Variants in CNTNAP5 observed in about 807,000 individuals in gnomAD.
The protein encoded by CNTNAP5 is contactin-associated protein-like 5.
CNTNAP5 carries 72 observed loss-of-function variants against 150.2 expected under a neutral mutation model. That is an observed-to-expected ratio of 0.48 (90% CI 0.40 to 0.58). CNTNAP5 has a LOEUF of 0.58. CNTNAP5 is among the 20% of genes least tolerant of loss of function. The pLI is 0.00. For missense variants in CNTNAP5, 1,636 were observed against 1,626.2 expected (o/e 1.01, Z -0.10); for synonymous variants, 672 against 619.8 (o/e 1.08, Z -1.25).
intron 6 of CNTNAP5, among the ~76,000 whole-genome samples, chr2:124,452,975 AC>A (rs1693025201): frequency 6.6e-6 from 1 of 152,122 alleles, no homozygotes; most frequent in African/African-American, 2.4e-5. Flanking sequence ...GTTCTTTAAC[AC>A]CCCCCAAAAA....
chr2:124,885,611 C>T (rs537133726), intron 21 of CNTNAP5, among the ~76,000 whole-genome samples: 1 of 150,772 alleles, frequency 6.6e-6, no homozygotes, highest in African/African-American at 2.4e-5. Flanking sequence ...ATTAAACAGT[C>T]ACATCTCATC....
At chr2:124,591,407 A>G (rs2104960395) in intron 11 of CNTNAP5, among the ~76,000 whole-genome samples, 1 of 152,238 alleles carries the variant, frequency 6.6e-6, no homozygotes, top group East Asian at 1.9e-4. Context: ...TTGCCATACA[A>G]TTTTTAAGTT....
chr2:124,580,819 A>G (rs1462333379), intron 11 of CNTNAP5, among the ~76,000 whole-genome samples: 1 of 152,232 alleles, frequency 6.6e-6, no homozygotes, highest in Non-Finnish European at 1.5e-5. Flanking sequence ...GCATGACAGT[A>G]CTTGATTCTT....
chr2:124,264,002 T>A (rs1237149635), intron 3 of CNTNAP5, among the ~76,000 whole-genome samples: 1 of 152,172 alleles, frequency 6.6e-6, no homozygotes, highest in East Asian at 1.9e-4. Context: ...GTTCCATTGG[T>A]CTATATCTCT....
At chr2:124,793,607 A>G (rs999846721) in intron 18 of CNTNAP5, among the ~76,000 whole-genome samples, 3 of 152,100 alleles carry the variant, frequency 2.0e-5, no homozygotes, top group Admixed American at 2.0e-4. Flanking sequence ...GCCTTACTTA[A>G]TCCAAGATCA....
chr2:124,830,099 ATTAT>A (rs1268810517), intron 19 of CNTNAP5, among the ~76,000 whole-genome samples: 1 of 151,858 alleles, frequency 6.6e-6, no homozygotes, highest in Admixed American at 6.6e-5. Flanking sequence ...GAGGATCTAG[ATTAT>A]TTATCATTTG....
chr2:124,103,875 T>G (rs1683115670), intron 1 of CNTNAP5, among the ~76,000 whole-genome samples: 1 of 147,828 alleles, frequency 6.8e-6, no homozygotes, highest in South Asian at 2.1e-4. Context: ...ATTTATATAA[T>G]ATAAATATAA....
chr2:124,634,827 G>T (rs1303580925), intron 12 of CNTNAP5, among the ~76,000 whole-genome samples: 1 of 152,106 alleles, frequency 6.6e-6, no homozygotes, highest in East Asian at 1.9e-4. Flanking sequence ...ATCTCCATCT[G>T]AAATCTCATC....
intron 4 of CNTNAP5, among the ~76,000 whole-genome samples, chr2:124,430,729 A>G (rs1692357232): frequency 6.6e-6 from 1 of 152,196 alleles, no homozygotes; most frequent in Admixed American, 6.5e-5. Context: ...CTATTAATAG[A>G]AAACGGAAAG....
At chr2:124,539,192 G>T (rs1302090603) in intron 10 of CNTNAP5, among the ~76,000 whole-genome samples, 2 of 152,178 alleles carry the variant, frequency 1.3e-5, no homozygotes, top group African/African-American at 2.4e-5. Flanking sequence ...TGTCTGCAGT[G>T]AAATGTAAAT....
At chr2:124,262,204 C>T (rs1245359285) in intron 3 of CNTNAP5, among the ~76,000 whole-genome samples, 1 of 151,966 alleles carries the variant, frequency 6.6e-6, no homozygotes, top group Non-Finnish European at 1.5e-5. Context: ...AAAATCACAC[C>T]ACTGTACTTC....
At chr2:124,288,924 A>G (rs1688219193) in intron 3 of CNTNAP5, among the ~76,000 whole-genome samples, 1 of 152,216 alleles carries the variant, frequency 6.6e-6, no homozygotes, top group African/African-American at 2.4e-5. Flanking sequence ...CTATGAATGT[A>G]GTAGAAGTGA....
At chr2:124,563,978 C>G (rs547580300) in intron 11 of CNTNAP5, among the ~76,000 whole-genome samples, 1 of 152,114 alleles carries the variant, frequency 6.6e-6, no homozygotes, top group East Asian at 1.9e-4. Flanking sequence ...GCAATCTTGC[C>G]GTGGAATGGG....
At chr2:124,558,895 A>G (rs1355921414) in intron 10 of CNTNAP5, among the ~76,000 whole-genome samples, 1 of 152,226 alleles carries the variant, frequency 6.6e-6, no homozygotes, top group African/African-American at 2.4e-5. Context: ...TCCAGTTTAC[A>G]TACTCAGAAA....
At position 124,242,401 on chromosome 2, in the gene CNTNAP5, A is replaced by G. The variant is rs1686910545; in HGVS notation, c.381+8A>G. On this transcript the variant is annotated splice_region_variant and intron_variant, in intron 3 of 23. Coordinates refer to ENST00000682447, the MANE Select transcript of CNTNAP5 (RefSeq NM_001367498.1). ...CAAGAAGACAGCATCTGGGTAGGAC[A>G]TCTTTTTCCTTCCAATGAATAAAAC... 1 of 1,610,084 alleles carries G rather than the reference A, an allele frequency of 6.2e-7. No homozygotes were observed.
chr2:124,200,738 C>G (rs751627070), intron 1 of CNTNAP5, among the ~76,000 whole-genome samples: 1 of 152,212 alleles, frequency 6.6e-6, no homozygotes, highest in Non-Finnish European at 1.5e-5. Flanking sequence ...TGTCCTGCCA[C>G]GTATTTCTTA....
intron 2 of CNTNAP5, among the ~76,000 whole-genome samples, chr2:124,238,300 C>A (rs1456792287): frequency 6.6e-6 from 1 of 151,994 alleles, no homozygotes; most frequent in African/African-American, 2.4e-5. Flanking sequence ...ATCCTGTTTG[C>A]ATGATGGAGA....
intron 3 of CNTNAP5, among the ~76,000 whole-genome samples, chr2:124,316,162 G>A (rs142082862): frequency 6.6e-6 from 1 of 152,232 alleles, no homozygotes; most frequent in African/African-American, 2.4e-5. Context: ...GGATTCTGCT[G>A]TACATCCACT....
chr2:124,492,747 ATTGT>A (rs1378902288), intron 7 of CNTNAP5, among the ~76,000 whole-genome samples: 1 of 152,008 alleles, frequency 6.6e-6, no homozygotes, highest in Non-Finnish European at 1.5e-5. Context: ...TGTAAATGGG[ATTGT>A]TTATTTTATT....
Sources: allele counts gnomAD v4.1 joint callset (sites outside exome capture counted in the v4.1 genomes callset), GRCh38; gene constraint gnomAD v4.1.1; transcripts MANE v1.5; gene names NCBI Gene and HGNC (gene_info 2026-07-23, HGNC 2026-07-21).